The following DEAF1 variants were observed in gnomAD, a reference collection of about 807,000 sequenced individuals.
DEAF1 encodes the protein DEAF1 transcription factor, also known as deformed epidermal autoregulatory factor 1 homolog.
DEAF1 carries 53 observed loss-of-function variants against 58.9 expected under a neutral mutation model. The ratio of observed to expected loss-of-function variants is 0.90; its 90% CI spans 0.72 to 1.13. The LOEUF is 1.13. DEAF1 is among the 50% of genes most tolerant of loss of function. The probability of loss-of-function intolerance (pLI) is 0.00; values close to 1 mark genes in which losing one functional copy is unlikely to be tolerated. For missense variants in DEAF1, 685 were observed against 791.4 expected (o/e 0.87, Z 1.61); for synonymous variants, 385 against 340.4 (o/e 1.13, Z -1.44).
chr11:674,332 A>G (rs1859961925), intron 10 of DEAF1: 2 of 734,238 alleles, frequency 2.7e-6, no homozygotes, highest in African/African-American at 1.8e-5. Context: ...ATTTACAAAA[A>G]CCAAAACCAC....
upstream of DEAF1, chr11:695,952 C>T (rs148809112): frequency 1.6e-4 from 145 of 917,016 alleles, 1 homozygote; most frequent in East Asian, 4.2e-3. Flanking sequence ...GGGGCCGTGC[C>T]ACCGTCTCTA....
chr11:667,827 A>T (rs558058264), intron 10 of DEAF1, among the ~76,000 whole-genome samples: 2 of 149,884 alleles, frequency 1.3e-5, no homozygotes, highest in South Asian at 4.2e-4. Flanking sequence ...TAAATAAATA[A>T]ATAGGCCGGC....
At chr11:680,010 T>C in intron 7 of DEAF1, 194 bp from the exon 8 acceptor site, 3 of 672,958 alleles carry the variant, frequency 4.5e-6, no homozygotes. Flanking sequence ...AAAACCAGGA[T>C]GGCCAGGATG....
upstream of DEAF1, among the ~76,000 whole-genome samples, chr11:698,207 T>A (rs956865706): frequency 1.3e-5 from 2 of 151,874 alleles, no homozygotes; most frequent in African/African-American, 2.4e-5. Context: ...TCAGCGTGGA[T>A]CCAGGGTGAG....
chr11:701,351 G>A (rs1320570035), intron 1 of DEAF1, among the ~76,000 whole-genome samples: 3 of 147,286 alleles, frequency 2.0e-5, no homozygotes, highest in Non-Finnish European at 4.5e-5. Flanking sequence ...ACCACGCCCA[G>A]CTAATTTTGT....
intron 5 of DEAF1, among the ~76,000 whole-genome samples, chr11:686,487 G>A (rs975047215): frequency 1.3e-5 from 2 of 152,154 alleles, no homozygotes; most frequent in Non-Finnish European, 2.9e-5. Context: ...GTAGACTGAC[G>A]AGAAGTTAGG....
chr11:687,086 A>C, intron 4 of DEAF1, 89 bp from the exon 5 acceptor site: 1 of 1,574,922 alleles, frequency 6.3e-7, no homozygotes, highest in Non-Finnish European at 8.7e-7. Context: ...CAACCCCTCC[A>C]CCAGCACCAG....
chr11:704,569 AGGACCC>A (rs1349477923), intron 1 of DEAF1: 1 of 1,288,836 alleles, frequency 7.8e-7, no homozygotes, highest in Non-Finnish European at 1.0e-6. Context: ...TGCCATCTGG[AGGACCC>A]AGCCCACAAA....
At chr11:654,763 G>C (rs1028957188) in intron 10 of DEAF1, 1 of 397,006 alleles carries the variant, frequency 2.5e-6, no homozygotes, top group African/African-American at 2.1e-5. Context: ...CAGCTACCTG[G>C]GAGGCTGAGG....
Position 688,976 on chromosome 11 carries a change from G to A in DEAF1, c.388-516C>T, listed in dbSNP as rs1860712684. Among the ~76,000 whole-genome samples the A allele has an allele frequency of 6.6e-6, 1 of 152,136 alleles. No individual in the cohort carries two copies. The highest frequency in any genetic ancestry group is 1.5e-5 in the Non-Finnish European group (1 of 68,028). On this transcript the variant is annotated intron_variant, in intron 2 of 11. Transcript: ENST00000382409. The surrounding 1 kb of genome is among the most constrained non-coding windows in gnomAD (Gnocchi z 4.3). ...GGCGGCACAGACCCCGCCACAGGAAGCCAGAGTCTCCATGCCCACACACCA... is the reference window on the plus strand; with the variant it reads ...GGCGGCACAGACCCCGCCACAGGAAACCAGAGTCTCCATGCCCACACACCA...
chr11:671,626 C>G (rs1029791484), intron 10 of DEAF1, among the ~76,000 whole-genome samples: 5 of 150,932 alleles, frequency 3.3e-5, no homozygotes, highest in African/African-American at 1.2e-4. Flanking sequence ...AATCTCAGCA[C>G]TTTGGGAGGC....
chr11:684,308 C>T (rs1304396493), intron 6 of DEAF1, among the ~76,000 whole-genome samples: 3 of 152,028 alleles, frequency 2.0e-5, no homozygotes, highest in Non-Finnish European at 4.4e-5. Context: ...ATCCCAGCTA[C>T]GCGGGAAGCT....
chr11:686,597 T>C lies in DEAF1; in HGVS notation c.804+261A>G, dbSNP rs185328870. On this transcript the variant is annotated intron_variant, in intron 5 of 11. Coordinates refer to ENST00000382409, the MANE Select transcript of DEAF1 (RefSeq NM_021008.4). Reference sequence around the variant, plus strand: ...TTGACACGCCCCCTTTCTGCAGCTATTCTGTGCCAGGCGCTGTGACCTCAT... The same window carrying C: ...TTGACACGCCCCCTTTCTGCAGCTACTCTGTGCCAGGCGCTGTGACCTCAT... 4.5e-4 allele frequency among the ~76,000 whole-genome samples: 68 copies of C among 152,334 alleles called. No homozygotes were observed. The East Asian group carries it at 0.012, about 26-fold the overall frequency.
In DEAF1 at chr11:694,881, G is replaced by GCCTCCGAGTCTGCGTCCT. The variant is rs1256713448; in HGVS notation, c.149_166dup (p.Glu50_Glu55dup). The GCCTCCGAGTCTGCGTCCT allele has an allele frequency of 6.7e-7, 1 of 1,500,868 alleles. No individual in the cohort carries two copies. Among genetic ancestry groups the GCCTCCGAGTCTGCGTCCT allele is most frequent in the Non-Finnish European group, 8.9e-7 (1 of 1,129,596 alleles). 93.0% of individuals were successfully genotyped at this position (1,500,868 alleles called of 1,614,324 possible). ...CGTGACCCGCGGCGTCTCCCGCTCCGCCTCCGAGTCTGCGTCCTCCTCCGA... is the reference window on the plus strand; with the variant it reads ...CGTGACCCGCGGCGTCTCCCGCTCCGCCTCCGAGTCTGCGTCCTCCTCCGAGTCTGCGTCCTCCTCCGA... On this transcript the variant is annotated inframe_insertion, in exon 1 of 12. Coordinates refer to ENST00000382409, the MANE Select transcript of DEAF1 (RefSeq NM_021008.4).
intron 6 of DEAF1, among the ~76,000 whole-genome samples, chr11:684,104 C>T (rs555360376): frequency 2.7e-4 from 41 of 150,090 alleles, no homozygotes; most frequent in Non-Finnish European, 2.1e-4. Context: ...CCCAAGAACA[C>T]GGTAGGTCTC....
intron 10 of DEAF1, among the ~76,000 whole-genome samples, chr11:657,141 A>T (rs1046612977): frequency 6.6e-6 from 1 of 151,714 alleles, no homozygotes; most frequent in African/African-American, 2.4e-5. Context: ...CCCAGGCCTC[A>T]CTCTCTAAGA....
intron 7 of DEAF1, among the ~76,000 whole-genome samples, chr11:680,734 A>G (rs1860322006): frequency 1.3e-5 from 2 of 152,330 alleles, no homozygotes; most frequent in South Asian, 2.1e-4. Context: ...AGCCCAGGAC[A>G]AGGCCAACAG....
At chr11:677,051 T>C (rs1860115378) in intron 9 of DEAF1, among the ~76,000 whole-genome samples, 1 of 151,812 alleles carries the variant, frequency 6.6e-6, no homozygotes, top group Admixed American at 6.6e-5. Flanking sequence ...ACCCCAGCCC[T>C]CCTGGAGAAA....
intron 5 of DEAF1, among the ~76,000 whole-genome samples, chr11:686,277 G>A (rs1860589144): frequency 1.4e-5 from 2 of 141,540 alleles, no homozygotes; most frequent in Non-Finnish European, 1.5e-5. Flanking sequence ...GGGCAACAGG[G>A]TGAGACTCTG....
Sources: gnomAD v4.1 joint callset for allele counts (sites outside exome capture counted in the v4.1 genomes callset) on GRCh38, gnomAD v4.1.1 for gene constraint, Gnocchi (gnomAD v3.1) non-coding constraint, MANE v1.5 for transcripts, NCBI Gene and HGNC (gene_info 2026-07-23, HGNC 2026-07-21) for gene names.